Variants in TBC1D5 observed in about 807,000 individuals in gnomAD.
TBC1D5 encodes the protein TBC1 domain family, member 5.
In TBC1D5, 75 loss-of-function variants were observed where a neutral mutation model predicts 100.3. The observed-to-expected ratio is 0.75, with a 90% CI of 0.62 to 0.91. TBC1D5 has a LOEUF of 0.91. Among genes scored for constraint, TBC1D5 ranks in the 40% least tolerant of loss-of-function variants. The pLI is 0.00. For synonymous variants in TBC1D5, 323 were observed against 325.6 expected (o/e 0.99, Z 0.09); for missense variants, 910 against 942.4 (o/e 0.97, Z 0.45).
intron 13 of TBC1D5, among the ~76,000 whole-genome samples, chr3:17,363,917 A>T (rs1412883374): frequency 1.3e-5 from 2 of 151,978 alleles, no homozygotes; most frequent in East Asian, 3.9e-4. Flanking sequence ...TTTTTAAACC[A>T]ATTTAAAAAT....
chr3:17,600,255 G>A (rs1014604450), intron 2 of TBC1D5, among the ~76,000 whole-genome samples: 5 of 151,880 alleles, frequency 3.3e-5, no homozygotes, highest in African/African-American at 1.2e-4. Context: ...AATAACGGAG[G>A]TGATAGGTGT....
At chr3:17,684,687 G>C (rs1427155826) in intron 1 of TBC1D5, among the ~76,000 whole-genome samples, 2 of 151,942 alleles carry the variant, frequency 1.3e-5, no homozygotes, top group African/African-American at 4.8e-5. Flanking sequence ...ACTACAGCTT[G>C]CATTTATAAA....
At chr3:17,395,440 A>G (rs2093476227) in intron 8 of TBC1D5, among the ~76,000 whole-genome samples, 1 of 152,146 alleles carries the variant, frequency 6.6e-6, no homozygotes, top group Non-Finnish European at 1.5e-5. Context: ...ATAAATACAA[A>G]GCATTACCCC....
At chr3:17,579,775 C>A (rs1307900397) in intron 2 of TBC1D5, among the ~76,000 whole-genome samples, 2 of 152,022 alleles carry the variant, frequency 1.3e-5, no homozygotes, top group African/African-American at 4.8e-5. Context: ...ATAAGTAAAA[C>A]CACAGAAAGC....
chr3:17,403,392 A>G (rs1009772260), intron 7 of TBC1D5, 144 bp from the exon 8 acceptor site: 6 of 444,834 alleles, frequency 1.3e-5, no homozygotes, highest in African/African-American at 1.2e-4. Context: ...GACTGGGGTA[A>G]TTTTTATTAA....
At chr3:17,202,215 C>T (rs1225731493) in intron 18 of TBC1D5, among the ~76,000 whole-genome samples, 1 of 152,146 alleles carries the variant, frequency 6.6e-6, no homozygotes, top group East Asian at 1.9e-4. Flanking sequence ...GGCATTGTGC[C>T]CCTGCTCTAG....
chr3:17,374,653 G>A, exon 11 of TBC1D5: 6 of 1,611,004 alleles, frequency 3.7e-6, no homozygotes, highest in Non-Finnish European at 5.1e-6. Flanking sequence ...CAGATACTCA[G>A]GGTTCAAGAC....
chr3:17,260,862 A>G (rs1486812600), intron 15 of TBC1D5, among the ~76,000 whole-genome samples: 1 of 152,262 alleles, frequency 6.6e-6, no homozygotes, highest in Non-Finnish European at 1.5e-5. Flanking sequence ...TGATTTTAAC[A>G]TGTAATCAAC....
rs573829340 is a variant in TBC1D5, at chr3:17,275,466, G to T, written c.1245+16429C>A. On this transcript the variant is annotated intron_variant, in intron 15 of 21. Transcript: ENST00000253692. ...TTATGGGGAGGACCACTTGAGCCCA[G>T]GAATTCAAGGTTGCCCTGAACTATG... Among the ~76,000 whole-genome samples the T allele has an allele frequency of 6.6e-5, 10 of 152,176 alleles. No homozygotes were observed. The South Asian group carries it at 1.5e-3, about 22-fold the overall frequency.
chr3:17,405,463 G>A (rs1459057576), intron 5 of TBC1D5, among the ~76,000 whole-genome samples: 2 of 152,052 alleles, frequency 1.3e-5, no homozygotes, highest in Non-Finnish European at 2.9e-5. Context: ...AAAGCTGGCA[G>A]TCAGCTTATG....
At chr3:17,465,113 C>T (rs2095280626) in intron 3 of TBC1D5, 2 of 152,208 alleles carry the variant, frequency 1.3e-5, no homozygotes, top group African/African-American at 4.8e-5. Context: ...TGATTGTTCA[C>T]TTTTAAAAAT....
chr3:17,195,280 G>T (rs1451203769), intron 18 of TBC1D5, among the ~76,000 whole-genome samples: 1 of 152,204 alleles, frequency 6.6e-6, no homozygotes, highest in Non-Finnish European at 1.5e-5. Flanking sequence ...GGAAACCCAT[G>T]TAGTTCTCTC....
intron 1 of TBC1D5, among the ~76,000 whole-genome samples, chr3:17,681,092 G>C (rs1164909654): frequency 6.6e-6 from 1 of 151,440 alleles, no homozygotes; most frequent in African/African-American, 2.5e-5. Flanking sequence ...TTATAAAGAA[G>C]CTACTCTGAG....
intron 1 of TBC1D5, among the ~76,000 whole-genome samples, chr3:17,636,152 A>C (rs2063898461): frequency 6.6e-6 from 1 of 152,018 alleles, no homozygotes; most frequent in Non-Finnish European, 1.5e-5. Flanking sequence ...TCGCTGCTGT[A>C]CTCTAGCCTG....
chr3:17,221,911 T>G (rs1373416529), intron 17 of TBC1D5, among the ~76,000 whole-genome samples: 1 of 152,216 alleles, frequency 6.6e-6, no homozygotes, highest in Non-Finnish European at 1.5e-5. Context: ...ATTTTCAACT[T>G]ATAAAGTTGT....
intron 1 of TBC1D5, among the ~76,000 whole-genome samples, chr3:17,703,098 C>A (rs2073437849): frequency 6.6e-6 from 1 of 152,090 alleles, no homozygotes. Context: ...CAGCCAGACA[C>A]AATGTTCAGG....
rs73042820 is a variant in TBC1D5, at chr3:17,453,979, G to C, written c.98-25460C>G. 2.9e-3 allele frequency among the ~76,000 whole-genome samples: 446 copies of C among 152,220 alleles called. 2 individuals carry two copies. Among genetic ancestry groups the C allele is most frequent in the Non-Finnish European group, 3.4e-3 (230 of 67,994 alleles). ...TCAACATATGCGAATCAATCAATGTGATACATCCTACCAATGGAATGAAGG... is the reference window on the plus strand; with the variant it reads ...TCAACATATGCGAATCAATCAATGTCATACATCCTACCAATGGAATGAAGG... On this transcript the variant is annotated intron_variant, in intron 3 of 21. Coordinates refer to ENST00000253692, the Ensembl canonical transcript of TBC1D5.
At chr3:17,647,086 C>G (rs552093101) in intron 1 of TBC1D5, 12 of 152,290 alleles carry the variant, frequency 7.9e-5, no homozygotes, top group African/African-American at 2.4e-4. Flanking sequence ...CCATCACTCA[C>G]TGCTCCCACG....
chr3:17,401,326 AATATACAT>A (rs2093640704), intron 8 of TBC1D5, among the ~76,000 whole-genome samples: 1 of 11,952 alleles, frequency 8.4e-5, no homozygotes, highest in South Asian at 4.0e-3. Flanking sequence ...GTATGTGTAT[AATATACAT>A]ATATGTATAA....
Sources: allele counts gnomAD v4.1 joint callset (sites outside exome capture counted in the v4.1 genomes callset), GRCh38; gene constraint gnomAD v4.1.1; transcripts MANE v1.5; gene names NCBI Gene and HGNC (gene_info 2026-07-23, HGNC 2026-07-21).